ATP10B: variants seen among roughly 807,000 people sequenced by gnomAD.
ATP10B encodes ATPase phospholipid transporting 10B (putative).
In ATP10B, 122 loss-of-function variants were observed where a neutral mutation model predicts 141.2. The observed-to-expected ratio is 0.86, with a 90% confidence interval of 0.75 to 1.00. The LOEUF is 1.00. Ranked by LOEUF, ATP10B falls within the 50% of genes least tolerant of loss-of-function variation. The pLI, the probability that ATP10B is intolerant of heterozygous loss-of-function variation, is 0.00. For synonymous variants in ATP10B, 685 were observed against 692.0 expected, an observed-to-expected ratio of 0.99 and a Z score of 0.16; for missense variants, 1,876 against 1,825.3, an observed-to-expected ratio of 1.03 and a Z score of -0.51.
chr5:160,785,809 C>T lies in ATP10B; in HGVS notation c.-575-6G>A, dbSNP rs7714680. 210,870 of 467,490 alleles carry T rather than the reference C, an allele frequency of 0.45. 47,497 individuals carry two copies. The highest frequency in any genetic ancestry group is 0.59 in the East Asian group (7,816 of 13,288). The allele number at this position is 467,490 out of a possible 1,614,324, so 29.0% of individuals were successfully genotyped here. A position where few individuals can be genotyped will look rare whatever the true frequency, so the allele number is the denominator to read the frequency against. The stretch of plus-strand genomic sequence containing the variant: ...ATTCTCTTGTCAAAGGAAGCCTGCA[C>T]GACACAGGACAGAAAAGAAATACAA... On this transcript the variant is annotated splice_region_variant and splice_polypyrimidine_tract_variant and intron_variant, in intron 1 of 25. Coordinates refer to ENST00000327245, the MANE Select transcript of ATP10B (RefSeq NM_025153.3).
At chr5:160,696,413 G>C (rs1344485251) in intron 3 of ATP10B, among the ~76,000 whole-genome samples, 1 of 152,068 alleles carries the variant, frequency 6.6e-6, no homozygotes, top group African/African-American at 2.4e-5. Context: ...CTGGCCAAAA[G>C]CTTCAATATT....
In ATP10B at chr5:160,569,623, G is replaced by A; in HGVS notation, c.3811C>T (p.Leu1271=). 6.2e-7 allele frequency: 1 copy of A among 1,610,880 alleles called. No homozygotes were observed. Among genetic ancestry groups the A allele is most frequent in the South Asian group, 1.1e-5 (1 of 90,424 alleles). ...CAGATGACGCAGGTGGCATTGTACA[G>A]GAGGGATACCAGAAAGTACATCAGG... ...SFLMYFLVSL[L]YNATCVICNS... Residue 1271 remains leucine, a synonymous_variant, in exon 25 of 26, where the codon CTG becomes TTG. Coordinates refer to ENST00000327245, the MANE Select transcript of ATP10B (RefSeq NM_025153.3).
rs1211193930 is a variant in ATP10B, at chr5:160,830,987, A to ACT, written c.-576+20953_-576+20954insAG. ...CATACACAAACACACACACACACAC[A>ACT]CACACACACACAGAGTGGACAGAAT... On this transcript the variant is annotated intron_variant, in intron 1 of 25. Coordinates refer to ENST00000327245, the MANE Select transcript of ATP10B (RefSeq NM_025153.3). 6.2e-4 allele frequency among the ~76,000 whole-genome samples: 53 copies of ACT among 85,378 alleles called. 1 individual carries two copies. The highest frequency in any genetic ancestry group is 1.8e-3 in the African/African-American group (53 of 29,510). 56.0% of individuals were successfully genotyped at this position (85,378 alleles called of 152,430 possible).
chr5:160,809,369 A>G (rs1320157291), intron 1 of ATP10B, among the ~76,000 whole-genome samples: 1 of 152,204 alleles, frequency 6.6e-6, no homozygotes, highest in East Asian at 1.9e-4. Flanking sequence ...TATGGCCACT[A>G]GAAAGATAGA....
At chr5:160,842,406 T>C (rs1168314736) in intron 1 of ATP10B, among the ~76,000 whole-genome samples, 1 of 152,086 alleles carries the variant, frequency 6.6e-6, no homozygotes, top group Non-Finnish European at 1.5e-5. Flanking sequence ...TGTTTAAGTA[T>C]ATTTTACAAG....
chr5:160,876,511 C>T, the ATP10B span, among the ~76,000 whole-genome samples: 2 of 146,378 alleles, frequency 1.4e-5, no homozygotes, highest in Non-Finnish European at 3.0e-5. Flanking sequence ...CAAAAGCTAG[C>T]AGAAGGCAAG....
At chr5:160,749,286 C>A (rs1767999514) in intron 2 of ATP10B, among the ~76,000 whole-genome samples, 1 of 152,202 alleles carries the variant, frequency 6.6e-6, no homozygotes, top group East Asian at 1.9e-4. Flanking sequence ...ATAAGGAATT[C>A]TATCTTCTCA....
At chr5:160,619,438 C>T (rs1290847744) in intron 15 of ATP10B, among the ~76,000 whole-genome samples, 4 of 152,146 alleles carry the variant, frequency 2.6e-5, no homozygotes, top group African/African-American at 4.8e-5. Flanking sequence ...GATAGAGTGC[C>T]GTGGCTCCCT....
At chr5:160,817,347 T>C (rs979375627) in intron 1 of ATP10B, among the ~76,000 whole-genome samples, 6 of 152,174 alleles carry the variant, frequency 3.9e-5, no homozygotes, top group African/African-American at 1.4e-4. Context: ...AGCATTCTTA[T>C]ACACCAATAA....
chr5:160,812,822 A>T (rs1773269586), intron 1 of ATP10B, among the ~76,000 whole-genome samples: 1 of 152,216 alleles, frequency 6.6e-6, no homozygotes, highest in Admixed American at 6.5e-5. Flanking sequence ...ATAGAGGAAG[A>T]GATACGTGTA....
At chr5:160,689,846 G>GA (rs1763967968) in intron 3 of ATP10B, among the ~76,000 whole-genome samples, 1 of 152,054 alleles carries the variant, frequency 6.6e-6, no homozygotes, top group Admixed American at 6.5e-5. Flanking sequence ...CACAGAATTT[G>GA]AAAAAACTAC....
At chr5:160,827,460 A>G (rs2127971582) in intron 1 of ATP10B, among the ~76,000 whole-genome samples, 1 of 152,332 alleles carries the variant, frequency 6.6e-6, no homozygotes, top group South Asian at 2.1e-4. Flanking sequence ...GCTTCTTTCA[A>G]AAGGTGTCTG....
intron 24 of ATP10B, among the ~76,000 whole-genome samples, chr5:160,584,609 T>C (rs1178899330): frequency 4.6e-5 from 7 of 152,186 alleles, no homozygotes; most frequent in Non-Finnish European, 8.8e-5. Flanking sequence ...TGAACTCTTA[T>C]GGAAAAATGT....
In ATP10B at chr5:160,591,055, T is replaced by G. The variant is rs1401425952; in HGVS notation, c.3645+4A>C. 1 of 1,612,254 alleles carries G rather than the reference T, an allele frequency of 6.2e-7. No individual in the cohort carries two copies. Among genetic ancestry groups the G allele is most frequent in the South Asian group, 1.1e-5 (1 of 91,010 alleles). ...TGTGGTTAGAATGGGACTACATGAC[T>G]TACCAGGTAAGGGATAAAGAAACAG... On this transcript the variant is annotated splice_donor_region_variant and intron_variant, in intron 23 of 25. Transcript: ENST00000327245.
rs559853121 is a variant in ATP10B at position 160,814,652 on chromosome 5, A to T, written c.-575-28849T>A. ...ACAGAGAACACCACAAAGATACTCC[A>T]CGAGAAGAGCAAGTCCAAGACACAT... On this transcript the variant is annotated intron_variant, in intron 1 of 25. Coordinates refer to ENST00000327245, the MANE Select transcript of ATP10B (RefSeq NM_025153.3). Among the ~76,000 whole-genome samples the T allele has an allele frequency of 1.3e-4, 20 of 152,206 alleles. No individual in the cohort carries two copies. In the East Asian group the frequency reaches 2.9e-3, roughly 22 times the overall value.
At chr5:160,855,727 ACATTT>A (rs1183831043), upstream of ATP10B, among the ~76,000 whole-genome samples, 2 of 151,872 alleles carry the variant, frequency 1.3e-5, no homozygotes, top group African/African-American at 4.8e-5. Flanking sequence ...TTTATGAATT[ACATTT>A]AAGTCTATGA....
chr5:160,610,816 T>C (rs1208532078), intron 18 of ATP10B, among the ~76,000 whole-genome samples: 1 of 152,206 alleles, frequency 6.6e-6, no homozygotes. Context: ...CTTTTAAAAT[T>C]CCTTGACTGA....
chr5:160,912,556 G>C, the ATP10B span, among the ~76,000 whole-genome samples: 1 of 151,052 alleles, frequency 6.6e-6, no homozygotes, highest in Non-Finnish European at 1.5e-5. Context: ...CTGAGATCAC[G>C]CCACCGCACT....
intron 16 of ATP10B, among the ~76,000 whole-genome samples, chr5:160,616,370 T>C (rs1324733804): frequency 6.6e-6 from 1 of 152,230 alleles, no homozygotes; most frequent in East Asian, 1.9e-4. Context: ...TTTTGAAGTT[T>C]AGGTTTCCTC....
Sources: gnomAD v4.1 joint callset for allele counts (sites outside exome capture counted in the v4.1 genomes callset) on GRCh38, gnomAD v4.1.1 for gene constraint, MANE v1.5 for transcripts, NCBI Gene and HGNC (gene_info 2026-07-23, HGNC 2026-07-21) for gene names.